P2RX4: variants seen among roughly 807,000 people sequenced by gnomAD.
The protein encoded by P2RX4 is P2X purinoceptor 4.
Under a neutral mutation model 48.0 loss-of-function variants are expected in P2RX4, and 37 were observed. The ratio of observed to expected loss-of-function variants is 0.77; its 90% CI spans 0.59 to 1.01. P2RX4 has a LOEUF of 1.01. P2RX4 is among the 50% of genes least tolerant of loss of function. The probability of loss-of-function intolerance (pLI) is 0.00; values close to 1 mark genes in which losing one functional copy is unlikely to be tolerated. For missense variants in P2RX4, 501 were observed against 521.4 expected (o/e 0.96, Z 0.38); for synonymous variants, 200 against 199.7 (o/e 1.00, Z -0.01).
chr12:121,223,810 G>A (rs889550421), intron 5 of P2RX4, among the ~76,000 whole-genome samples: 12 of 152,186 alleles, frequency 7.9e-5, no homozygotes, highest in Non-Finnish European at 1.6e-4. Context: ...AACCTGGGAG[G>A]AGGAGGTTGC....
At chr12:121,221,460 G>A (rs1886603341) in intron 2 of P2RX4, among the ~76,000 whole-genome samples, 1 of 143,264 alleles carries the variant, frequency 7.0e-6, no homozygotes, top group Non-Finnish European at 1.5e-5. Flanking sequence ...GTGGCGCGAT[G>A]TCGGCTCGCT....
At chr12:121,228,925 G>C in intron 7 of P2RX4, 38 bp from the exon 8 acceptor site, 1 of 1,614,100 alleles carries the variant, frequency 6.2e-7, no homozygotes, top group South Asian at 1.1e-5. Flanking sequence ...GCCAGGTGCT[G>C]AGGAAAGCCT....
At chr12:121,220,180 A>T (rs1199468843) in intron 2 of P2RX4, among the ~76,000 whole-genome samples, 1 of 152,182 alleles carries the variant, frequency 6.6e-6, no homozygotes, top group Non-Finnish European at 1.5e-5. Flanking sequence ...GAGCCCCATG[A>T]GGCCTCATGT....
intron 1 of P2RX4, among the ~76,000 whole-genome samples, chr12:121,211,228 A>G (rs1310868929): frequency 6.6e-6 from 1 of 151,796 alleles, no homozygotes; most frequent in Non-Finnish European, 1.5e-5. Flanking sequence ...TTGAGACGGA[A>G]TTTCTCTCTT....
intron 5 of P2RX4, among the ~76,000 whole-genome samples, chr12:121,226,525 A>G (rs1305293010): frequency 6.6e-6 from 1 of 152,226 alleles, no homozygotes; most frequent in Non-Finnish European, 1.5e-5. Flanking sequence ...CCCGGGTGAC[A>G]GAATAAGACC....
rs1255489257 is a variant in P2RX4, at chr12:121,233,101, C to G, written c.1140+9C>G. 6.3e-6 allele frequency: 10 copies of G among 1,584,874 alleles called. No homozygotes were observed. The highest frequency in any genetic ancestry group is 3.3e-5 in the South Asian group (3 of 90,340). ...TGGAAGATTACGAGCAGGTAGGCCC[C>G]TCCTGGCCCCCAGCAGGCACAGGCC... On this transcript the variant is annotated intron_variant, in intron 11 of 11. Transcript: ENST00000337233.
intron 5 of P2RX4, among the ~76,000 whole-genome samples, chr12:121,227,045 T>A (rs1003694610): frequency 1.3e-4 from 20 of 151,698 alleles, no homozygotes; most frequent in Non-Finnish European, 4.4e-5. Context: ...AACCCAGAGG[T>A]TGCAGTGAGC....
At chr12:121,223,339 G>A (rs1435286314) in intron 5 of P2RX4, 2 of 386,478 alleles carry the variant, frequency 5.2e-6, no homozygotes, top group South Asian at 2.3e-5. Context: ...GCCTCCCAAA[G>A]TGCTAGGATT....
Position 121,232,632 on chromosome 12 carries a change from C to G in P2RX4, c.1000C>G (p.Pro334Ala). The change falls in exon 10 of 12, where the codon CCC (proline) becomes GCC (alanine). Residue 334 changes from proline to alanine, a missense_variant. Around this residue, in one of 3 missense-constraint regions of P2RX4, gnomAD observed 197 missense variants for 219.5 expected, o/e 0.90. Transcript: ENST00000337233. The surrounding 1 kb of genome is among the most constrained non-coding windows in gnomAD (Gnocchi z 4.3). ...FGKAGKFDII[P>A]TMINIGSGLA... is the part of the protein sequence containing the mutation. ...GCAGGCAGGGAAATTTGACATCATCCCCACTATGATCAACATCGGCTCTGG... is the reference window on the plus strand; with the variant it reads ...GCAGGCAGGGAAATTTGACATCATCGCCACTATGATCAACATCGGCTCTGG... The G allele has an allele frequency of 6.2e-7, 1 of 1,613,996 alleles. No individual in the cohort carries two copies. The highest frequency in any genetic ancestry group is 8.5e-7 in the Non-Finnish European group (1 of 1,179,882).
rs34995184 is a variant in P2RX4, at chr12:121,232,004, C to CAA, written c.885-392_885-391dup. The stretch of plus-strand genomic sequence containing the variant: ...CTGGCAACAGAGGGAGACTCCATCT[C>CAA]AAAAAAAAAAAAAAAAAAAGTCCCT... On this transcript the variant is annotated intron_variant, in intron 8 of 11. Transcript: ENST00000337233. The surrounding 1 kb of genome is among the most constrained non-coding windows in gnomAD (Gnocchi z 4.3). 0.014 allele frequency among the ~76,000 whole-genome samples: 1,321 copies of CAA among 94,240 alleles called. 57 individuals are homozygous for CAA. The highest frequency in any genetic ancestry group is 0.047 in the African/African-American group (1,093 of 23,230). 61.8% of individuals were successfully genotyped at this position (94,240 alleles called of 152,430 possible). A position where few individuals can be genotyped will look rare whatever the true frequency, so the allele number is the denominator to read the frequency against.
At chr12:121,216,785 A>G in intron 1 of P2RX4, 1 of 576,570 alleles carries the variant, frequency 1.7e-6, no homozygotes, top group East Asian at 3.0e-5. Context: ...ACACCATTGC[A>G]CTCCAGCTTA....
intron 1 of P2RX4, chr12:121,213,515 A>G (rs1303457155): frequency 6.6e-6 from 1 of 152,238 alleles, no homozygotes; most frequent in Non-Finnish European, 1.5e-5. Context: ...CACAGAATAT[A>G]TCATTACAAT....
chr12:121,211,359 C>T (rs1256744183), intron 1 of P2RX4, among the ~76,000 whole-genome samples: 1 of 151,844 alleles, frequency 6.6e-6, no homozygotes, highest in African/African-American at 2.4e-5. Flanking sequence ...CCCGCCACCA[C>T]GCCCGGCCAA....
rs1887138897 is a variant in P2RX4 at position 121,228,553 on chromosome 12, C to T, written c.545C>T (p.Ala182Val). Reference sequence around the variant, plus strand: ...TTCAGACCTGCTTTTTTAAAGGCTGCAGAAAACTTCACTCTTTTGGTTAAG... The same window carrying T: ...TTCAGACCTGCTTTTTTAAAGGCTGTAGAAAACTTCACTCTTTTGGTTAAG... Reference protein sequence around the residue: ...HVPQPAFLKAAENFTLLVKNN... With the variant: ...HVPQPAFLKAVENFTLLVKNN... The change falls in exon 6 of 12, where the codon GCA (alanine) becomes GTA (valine). Residue 182 changes from alanine (A) to valine (V), a missense_variant. Transcript: ENST00000337233. 21 of 1,612,288 alleles carry T rather than the reference C, an allele frequency of 1.3e-5. No individual in the cohort carries two copies. The highest frequency in any genetic ancestry group is 1.7e-5 in the Non-Finnish European group (20 of 1,179,546).
chr12:121,220,305 C>G (rs1316099635), intron 2 of P2RX4, among the ~76,000 whole-genome samples: 1 of 151,946 alleles, frequency 6.6e-6, no homozygotes, highest in African/African-American at 2.4e-5. Context: ...GCAGACCCCC[C>G]CCTTTTTTTA....
chr12:121,222,833 C>T (rs753707722), intron 4 of P2RX4, 114 bp from the exon 5 acceptor site: 13 of 1,459,192 alleles, frequency 8.9e-6, no homozygotes, highest in Non-Finnish European at 1.2e-5. Context: ...ATTTGCACAG[C>T]TCAAGACTGG....
rs770225102 is a variant in P2RX4 at position 121,233,008 on chromosome 12, G to A, written c.1056G>A (p.Leu352=). 8 of 1,612,748 alleles carry A rather than the reference G, an allele frequency of 5.0e-6. No individual in the cohort carries two copies. In the East Asian group the frequency reaches 6.7e-5, roughly 13 times the overall value. ...GLALLGMATV[L]CDIIVLYCMK... ...TATGCTAAACTCAGGCGACCGTGCT[G>A]TGTGACATCATAGTCCTCTACTGCA... is the stretch of plus-strand genomic sequence containing the variant. Residue 352 remains leucine (L), a synonymous_variant, in exon 11 of 12, where the codon CTG becomes CTA. Coordinates refer to ENST00000337233, the MANE Select transcript of P2RX4 (RefSeq NM_002560.3).
At position 121,222,947 on chromosome 12, in the gene P2RX4, G is replaced by A; in HGVS notation, c.428G>A (p.Gly143Glu). Reference protein sequence around the residue: ...TAGSAGTHSNGVSTGRCVAFN... With the variant: ...TAGSAGTHSNEVSTGRCVAFN... ...CCCCCTGCCACCCTTGTGCTTGTAG[G>A]AGTCTCAACAGGCAGGTGCGTAGCT... Residue 143 changes from glycine to glutamate, a missense_variant and splice_region_variant, in exon 5 of 12, where the codon GGA becomes GAA. By Grantham distance (98) the Gly-to-Glu change is moderately conservative (BLOSUM62 -2). Transcript: ENST00000337233. The A allele has an allele frequency of 6.2e-7, 1 of 1,607,464 alleles. No homozygotes were observed.
intron 2 of P2RX4, among the ~76,000 whole-genome samples, chr12:121,221,392 T>A (rs1242778686): frequency 6.7e-6 from 1 of 148,812 alleles, no homozygotes; most frequent in Non-Finnish European, 1.5e-5. Flanking sequence ...TTGGGCTGTT[T>A]CCACCATTTT....
Sources: gnomAD v4.1 joint callset for allele counts (sites outside exome capture counted in the v4.1 genomes callset) on GRCh38, gnomAD v4.1.1 for gene constraint, gnomAD v4.1.1 regional missense constraint, Gnocchi (gnomAD v3.1) non-coding constraint, MANE v1.5 for transcripts, NCBI Gene and HGNC (gene_info 2026-07-23, HGNC 2026-07-21) for gene names.